HERPUD2: variants seen among roughly 807,000 people sequenced by gnomAD.
The protein encoded by HERPUD2 is HERPUD family member 2, also known as homocysteine-responsive endoplasmic reticulum-resident ubiquitin-like domain member 2 protein.
A neutral mutation model predicts 49.9 loss-of-function variants in HERPUD2; 13 were observed. The observed-to-expected ratio is 0.26, with a 90% CI of 0.17 to 0.41. The LOEUF (loss-of-function observed/expected upper bound fraction) is 0.41, where lower values mean the gene tolerates loss of function less well. Ranked by LOEUF, HERPUD2 falls within the 10% of genes least tolerant of loss-of-function variation. HERPUD2 has a pLI of 1.00. For synonymous variants in HERPUD2, 172 were observed against 171.4 expected (o/e 1.00, Z -0.03); for missense variants, 449 against 492.2 (o/e 0.91, Z 0.83).
intron 5 of HERPUD2, among the ~76,000 whole-genome samples, chr7:35,652,002 C>G (rs942366589): frequency 2.6e-5 from 4 of 152,224 alleles, no homozygotes; most frequent in African/African-American, 9.6e-5. Flanking sequence ...ACAGGTCATC[C>G]AGAGGCAAAA....
At chr7:35,640,979 C>A (rs1163413683) in intron 5 of HERPUD2, among the ~76,000 whole-genome samples, 1 of 152,010 alleles carries the variant, frequency 6.6e-6, no homozygotes, top group Non-Finnish European at 1.5e-5. Flanking sequence ...TATTTACCAA[C>A]CCTTTGGAGG....
intron 2 of HERPUD2, among the ~76,000 whole-genome samples, chr7:35,684,328 T>C (rs1785983140): frequency 1.3e-5 from 2 of 151,714 alleles, no homozygotes; most frequent in African/African-American, 4.9e-5. Flanking sequence ...AGGCGGAGCT[T>C]CCAGTGGGCC....
chr7:35,673,420 G>A, intron 2 of HERPUD2, 142 bp from the exon 3 acceptor site: 1 of 609,720 alleles, frequency 1.6e-6, no homozygotes. Context: ...AAGAATTTTT[G>A]TTTTTCCAAA....
Position 35,673,937 on chromosome 7 carries a change from C to T in HERPUD2, c.148-659G>A, listed in dbSNP as rs546495546. 3.3e-5 allele frequency among the ~76,000 whole-genome samples: 5 copies of T among 152,186 alleles called. No homozygotes were observed. In the South Asian group the frequency reaches 1.0e-3, roughly 32 times the overall value. ...TGGAGAGTCAGTTGCCATCTCTATA[C>T]GCAACCAGAATATGAAATTACGTAA... On this transcript the variant is annotated intron_variant, in intron 2 of 8. Coordinates refer to ENST00000311350, the MANE Select transcript of HERPUD2 (RefSeq NM_022373.5).
intron 2 of HERPUD2, among the ~76,000 whole-genome samples, chr7:35,685,470 C>T (rs1786017206): frequency 6.6e-6 from 1 of 151,376 alleles, no homozygotes; most frequent in African/African-American, 2.4e-5. Context: ...ATTACAGGCG[C>T]GTGCCACTAT....
chr7:35,656,383 A>G (rs1785275401), intron 5 of HERPUD2, among the ~76,000 whole-genome samples: 1 of 152,144 alleles, frequency 6.6e-6, no homozygotes, highest in Admixed American at 6.5e-5. Flanking sequence ...AGCTCATATC[A>G]TTAAAATTAC....
At position 35,633,714 on chromosome 7, in the gene HERPUD2, C is replaced by T. The variant is rs1314852401; in HGVS notation, c.1197G>A (p.Glu399=). 2 of 1,613,716 alleles carry T rather than the reference C, an allele frequency of 1.2e-6. No homozygotes were observed. The highest frequency in any genetic ancestry group is 1.7e-6 in the Non-Finnish European group (2 of 1,179,874). Residue 399 remains glutamate (E), a synonymous_variant, in exon 9 of 9, where the codon GAG becomes GAA. Coordinates refer to ENST00000311350, the MANE Select transcript of HERPUD2 (RefSeq NM_022373.5). ...GTCAATTGGCAACCTGGGGAGGCCC[C>T]TCTGGTATTAGTGAAGTAAAGAAGG... The part of the protein sequence containing the change: ...ITTFFTSLIP[E]GPPQVAN
At chr7:35,661,418 T>A (rs1168790370) in intron 5 of HERPUD2, among the ~76,000 whole-genome samples, 6 of 152,180 alleles carry the variant, frequency 3.9e-5, no homozygotes, top group Non-Finnish European at 1.5e-5. Context: ...AAGAAAGTCA[T>A]TGGTAGCTTG....
At chr7:35,659,677 G>T (rs193102655) in intron 5 of HERPUD2, among the ~76,000 whole-genome samples, 2 of 152,182 alleles carry the variant, frequency 1.3e-5, no homozygotes, top group East Asian at 3.9e-4. Flanking sequence ...AACCCAGGCA[G>T]GCTGGCTCCA....
Position 35,670,259 on chromosome 7 carries a change from T to G in HERPUD2, c.295A>C (p.Thr99Pro), listed in dbSNP as rs1785616570. The G allele has an allele frequency of 1.3e-6, 2 of 1,589,700 alleles. No homozygotes were observed. The highest frequency in any genetic ancestry group is 4.5e-5 in the East Asian group (2 of 44,040). Reference protein sequence around the residue: ...RTPPSSPKSSTNRESHEALAS... With the variant: ...RTPPSSPKSSPNRESHEALAS... Reference sequence around the variant, plus strand: ...AATGCTTCATGACTTTCTCTATTGGTGCTGGATTTTGGAGAACTGGGAGGA... The same window carrying G: ...AATGCTTCATGACTTTCTCTATTGGGGCTGGATTTTGGAGAACTGGGAGGA... The change falls in exon 4 of 9, where the codon ACC becomes CCC. Residue 99 changes from threonine to proline, a missense_variant. Coordinates refer to ENST00000311350, the MANE Select transcript of HERPUD2 (RefSeq NM_022373.5).
chr7:35,640,319 AT>A (rs1562668231), intron 5 of HERPUD2, among the ~76,000 whole-genome samples: 3 of 152,164 alleles, frequency 2.0e-5, no homozygotes. Flanking sequence ...ACCAATCTCT[AT>A]CATTAATAAG....
intron 2 of HERPUD2, among the ~76,000 whole-genome samples, chr7:35,676,128 T>C (rs1785753431): frequency 6.6e-6 from 1 of 152,208 alleles, no homozygotes. Context: ...AGAATCCAAA[T>C]AAGGTTCACA....
At chr7:35,686,228 G>A (rs1042467479) in intron 2 of HERPUD2, among the ~76,000 whole-genome samples, 1 of 148,590 alleles carries the variant, frequency 6.7e-6, no homozygotes, top group African/African-American at 2.5e-5. Context: ...TTACTCTGTC[G>A]CCCAGGCTGG....
At chr7:35,691,816 T>C (rs1786195436) in intron 2 of HERPUD2, among the ~76,000 whole-genome samples, 1 of 152,256 alleles carries the variant, frequency 6.6e-6, no homozygotes, top group Non-Finnish European at 1.5e-5. Flanking sequence ...TGCTGAGGAC[T>C]ACCTATGGCT....
chr7:35,667,217 T>C (rs1457659619), intron 5 of HERPUD2, among the ~76,000 whole-genome samples: 1 of 152,174 alleles, frequency 6.6e-6, no homozygotes, highest in African/African-American at 2.4e-5. Context: ...GGACAAACAT[T>C]CAAGATTGAA....
chr7:35,635,841 C>T (rs79321162), intron 6 of HERPUD2, among the ~76,000 whole-genome samples: 180 of 152,250 alleles, frequency 1.2e-3, no homozygotes, highest in African/African-American at 4.2e-3. Context: ...AGCTCACCAC[C>T]TACCTCTCCC....
At position 35,633,612 on chromosome 7, in the gene HERPUD2, AT is replaced by A; in HGVS notation, c.*77del. On this transcript the variant is annotated 3_prime_UTR_variant, in exon 9 of 9. Coordinates refer to ENST00000311350, the MANE Select transcript of HERPUD2 (RefSeq NM_022373.5). ...CATGATGATCAAAAGAAAGTTATAA[AT>A]TTTTTTGAAATTGCACTGTTATTTA... 17 of 1,310,988 alleles carry A rather than the reference AT, an allele frequency of 1.3e-5. No homozygotes were observed. Among genetic ancestry groups the A allele is most frequent in the Non-Finnish European group, 1.6e-5 (15 of 949,786 alleles). 81.2% of individuals were successfully genotyped at this position (1,310,988 alleles called of 1,614,324 possible).
intron 5 of HERPUD2, among the ~76,000 whole-genome samples, chr7:35,649,008 T>C (rs1255571630): frequency 6.6e-6 from 1 of 152,208 alleles, no homozygotes; most frequent in African/African-American, 2.4e-5. Flanking sequence ...TCCCAGCACT[T>C]TGGGAGGCCC....
intron 5 of HERPUD2, among the ~76,000 whole-genome samples, chr7:35,654,333 T>C (rs964936168): frequency 6.6e-6 from 1 of 151,436 alleles, no homozygotes; most frequent in Non-Finnish European, 1.5e-5. Flanking sequence ...AAAAGACCCA[T>C]ATAAATAAAG....
Sources: gnomAD v4.1 joint callset for allele counts (sites outside exome capture counted in the v4.1 genomes callset) on GRCh38, gnomAD v4.1.1 for gene constraint, MANE v1.5 for transcripts, NCBI Gene and HGNC (gene_info 2026-07-23, HGNC 2026-07-21) for gene names.